Variants in CDC25A observed in about 807,000 individuals in gnomAD.
CDC25A encodes M-phase inducer phosphatase 1.
In CDC25A, 17 loss-of-function variants were observed where a neutral mutation model predicts 64.6. The observed-to-expected ratio is 0.26, with a 90% CI of 0.18 to 0.39. The LOEUF is 0.39. Among genes scored for constraint, CDC25A ranks in the 10% least tolerant of loss-of-function variants. The probability of loss-of-function intolerance (pLI) is 1.00; values close to 1 mark genes in which losing one functional copy is unlikely to be tolerated. For synonymous variants in CDC25A, 229 were observed against 238.6 expected (o/e 0.96, Z 0.37); for missense variants, 473 against 654.8 (o/e 0.72, Z 3.03).
intron 5 of CDC25A, among the ~76,000 whole-genome samples, chr3:48,181,086 C>T (rs2032651533): frequency 6.6e-6 from 1 of 152,132 alleles, no homozygotes; most frequent in African/African-American, 2.4e-5. Context: ...ATATACAAAA[C>T]ACGATGAATA....
At chr3:48,170,441 G>A (rs764875799) in intron 9 of CDC25A, among the ~76,000 whole-genome samples, 1 of 152,140 alleles carries the variant, frequency 6.6e-6, no homozygotes, top group Non-Finnish European at 1.5e-5. Context: ...ACATTTACCA[G>A]TTTATTATGA....
At position 48,165,645 on chromosome 3, in the gene CDC25A, G is replaced by A; in HGVS notation, c.1182C>T (p.Gly394=). 4 of 1,609,968 alleles carry A rather than the reference G, an allele frequency of 2.5e-6. No homozygotes were observed. The highest frequency in any genetic ancestry group is 3.4e-6 in the Non-Finnish European group (4 of 1,176,278). The change falls in exon 12 of 15, where the codon GGC becomes GGT. Residue 394 remains glycine (G), a synonymous_variant. Transcript: ENST00000302506. ...DCRYPYEYEG[G]HIKGAVNLHM... is the part of the protein sequence containing the mutation. ...TCTCAGGAATCCATACCTTGATGTG[G>A]CCTCCCTCGTATTCATATGGGTATC... is the stretch of plus-strand genomic sequence containing the variant.
chr3:48,177,676 AAAGGATTTAAT>A (rs1343455510), intron 7 of CDC25A, among the ~76,000 whole-genome samples, 167 bp downstream of exon 7: 1 of 152,158 alleles, frequency 6.6e-6, no homozygotes, highest in Non-Finnish European at 1.5e-5. Flanking sequence ...CCCCCAATCC[AAAGGATTTAAT>A]AAGGCTGGTA....
At chr3:48,176,555 AT>A (rs2032468436) in intron 8 of CDC25A, among the ~76,000 whole-genome samples, 22 of 146,710 alleles carry the variant, frequency 1.5e-4, no homozygotes, top group African/African-American at 3.5e-4. Context: ...ATATATATAT[AT>A]ATAAAATATA....
chr3:48,172,860 T>C (rs2032318419), intron 9 of CDC25A, among the ~76,000 whole-genome samples: 1 of 144,662 alleles, frequency 6.9e-6, no homozygotes, highest in Admixed American at 6.9e-5. Context: ...AGACCCTGTC[T>C]CAGAAACAGG....
chr3:48,174,794 C>T (rs2032397502), intron 8 of CDC25A: 1 of 176,000 alleles, frequency 5.7e-6, no homozygotes, highest in Non-Finnish European at 1.2e-5. Context: ...TCTTCCCCTC[C>T]ATTTTATTAC....
rs1453695343 is a variant in CDC25A, at chr3:48,158,030, C to G, written c.*915G>C. 6.6e-6 allele frequency: 1 copy of G among 151,266 alleles called. No individual in the cohort carries two copies. The highest frequency in any genetic ancestry group is 1.5e-5 in the Non-Finnish European group (1 of 67,818). 9.4% of individuals were successfully genotyped at this position (151,266 alleles called of 1,614,324 possible). On this transcript the variant is annotated 3_prime_UTR_variant, in exon 15 of 15. Transcript: ENST00000302506. ...ACCCCCCTTCCCTGGGAAACCTACA[C>G]TGCAACATTCCAGCACTGAGCCGGG...
At chr3:48,169,887 T>C (rs560453690) in intron 9 of CDC25A, among the ~76,000 whole-genome samples, 2 of 151,910 alleles carry the variant, frequency 1.3e-5, no homozygotes, top group Non-Finnish European at 2.9e-5. Context: ...TGGGCGCCTG[T>C]AGTCCCAGCT....
chr3:48,166,580 G>C (rs2106703486), intron 10 of CDC25A, among the ~76,000 whole-genome samples: 1 of 152,274 alleles, frequency 6.6e-6, no homozygotes, highest in East Asian at 1.9e-4. Context: ...GCTATGTCCA[G>C]CATGGTGCCA....
At chr3:48,183,233 G>T (rs1437211370) in intron 4 of CDC25A, among the ~76,000 whole-genome samples, 1 of 152,212 alleles carries the variant, frequency 6.6e-6, no homozygotes, top group East Asian at 1.9e-4. Flanking sequence ...CCATTCCATG[G>T]GTTTACAGCT....
At position 48,158,836 on chromosome 3, in the gene CDC25A, C is replaced by T; in HGVS notation, c.*109G>A. 4 of 1,364,504 alleles carry T rather than the reference C, an allele frequency of 2.9e-6. No homozygotes were observed. The highest frequency in any genetic ancestry group is 2.5e-4 in the Middle Eastern group (1 of 4,054). 84.5% of individuals were successfully genotyped at this position (1,364,504 alleles called of 1,614,324 possible). A position where few individuals can be genotyped will look rare whatever the true frequency, so the allele number is the denominator to read the frequency against. ...TTTAAGGCATGGAAGTCCCAGGCCCCCTCTCCAAATGTCACACAGCTGTCC... is the reference window on the plus strand; with the variant it reads ...TTTAAGGCATGGAAGTCCCAGGCCCTCTCTCCAAATGTCACACAGCTGTCC... On this transcript the variant is annotated 3_prime_UTR_variant, in exon 15 of 15. Transcript: ENST00000302506.
At chr3:48,175,910 T>C (rs551498917) in intron 8 of CDC25A, among the ~76,000 whole-genome samples, 50 of 152,334 alleles carry the variant, frequency 3.3e-4, no homozygotes, top group African/African-American at 1.2e-3. Flanking sequence ...CTCATGCCTG[T>C]AATCCCAGCA....
intron 6 of CDC25A, 137 bp from the exon 7 acceptor site, chr3:48,178,125 T>C: frequency 2.7e-6 from 2 of 734,754 alleles, no homozygotes; most frequent in Non-Finnish European, 4.5e-6. Context: ...CATTACTGAT[T>C]ATATGAAAAT....
intron 9 of CDC25A, among the ~76,000 whole-genome samples, chr3:48,170,469 T>C (rs112159450): frequency 2.6e-4 from 39 of 152,302 alleles, no homozygotes; most frequent in Middle Eastern, 3.4e-3. Flanking sequence ...TCAAAGGATA[T>C]AGAAGAAGAC....
Position 48,159,331 on chromosome 3 carries a change from AC to A in CDC25A, c.1434+12del. 6.4e-7 allele frequency: 1 copy of A among 1,566,866 alleles called. No homozygotes were observed. The highest frequency in any genetic ancestry group is 1.1e-5 in the South Asian group (1 of 90,134). On this transcript the variant is annotated intron_variant, in intron 14 of 14. Coordinates refer to ENST00000302506, the MANE Select transcript of CDC25A (RefSeq NM_001789.3). Reference sequence around the variant, plus strand: ...CAGGGGAGGAGAGATGCTCTCCACAACCCCAGTCTTACCTGGCATTTCATAA... The same window carrying A: ...CAGGGGAGGAGAGATGCTCTCCACAACCCAGTCTTACCTGGCATTTCATAA...
chr3:48,178,754 C>T (rs772883239), intron 6 of CDC25A, among the ~76,000 whole-genome samples: 10 of 152,158 alleles, frequency 6.6e-5, no homozygotes, highest in Non-Finnish European at 1.0e-4. Flanking sequence ...ACCTCATTAG[C>T]CAACCTATAG....
intron 12 of CDC25A, among the ~76,000 whole-genome samples, chr3:48,165,107 CAAA>C (rs11370901): frequency 3.1e-4 from 26 of 84,962 alleles, no homozygotes; most frequent in South Asian, 5.1e-4. Context: ...GACTCTGTCT[CAAA>C]AAAAAAAAAA....
intron 10 of CDC25A, among the ~76,000 whole-genome samples, chr3:48,167,638 A>T (rs2032078101): frequency 1.3e-5 from 2 of 152,236 alleles, no homozygotes; most frequent in Admixed American, 1.3e-4. Context: ...AAAACTGCCC[A>T]TCAGCTATAG....
At chr3:48,164,763 G>A (rs1048561378) in intron 12 of CDC25A, among the ~76,000 whole-genome samples, 1 of 152,034 alleles carries the variant, frequency 6.6e-6, no homozygotes, top group African/African-American at 2.4e-5. Context: ...CAGTAACATC[G>A]TATTTAAAGT....
Sources: gnomAD v4.1 joint callset for allele counts (sites outside exome capture counted in the v4.1 genomes callset) on GRCh38, gnomAD v4.1.1 for gene constraint, MANE v1.5 for transcripts, NCBI Gene and HGNC (gene_info 2026-07-23, HGNC 2026-07-21) for gene names.